The following ARHGAP6 variants were observed in gnomAD, a reference collection of about 807,000 sequenced individuals.
ARHGAP6 encodes rho GTPase-activating protein 6.
In ARHGAP6, 16 loss-of-function variants were observed where a neutral mutation model predicts 55.7. The observed-to-expected ratio is 0.29, with a 90% CI of 0.19 to 0.44. The LOEUF is 0.44. Among genes scored for constraint, ARHGAP6 ranks in the 20% least tolerant of loss-of-function variants. The pLI, the probability that ARHGAP6 is intolerant of heterozygous loss-of-function variation, is 1.00. For missense variants in ARHGAP6, 698 were observed against 808.9 expected, an observed-to-expected ratio of 0.86 and a Z score of 1.66; for synonymous variants, 382 against 360.9, an observed-to-expected ratio of 1.06 and a Z score of -0.66.
intron 1 of ARHGAP6, among the ~76,000 whole-genome samples, chrX:11,512,768 G>GGTA (rs1227963893): frequency 9.0e-6 from 1 of 111,490 alleles, no homozygotes; most frequent in Non-Finnish European, 1.9e-5. Context: ...ATATGAAAGA[G>GGTA]GTAGCCAAGA....
At chrX:11,590,655 C>A (rs1286537314) in intron 1 of ARHGAP6, among the ~76,000 whole-genome samples, 2 of 104,352 alleles carry the variant, frequency 1.9e-5, no homozygotes, top group Non-Finnish European at 3.9e-5. Context: ...CGTGGTGGTG[C>A]ACGCCTGTAG....
chrX:11,328,161 C>T (rs769905294), intron 1 of ARHGAP6, among the ~76,000 whole-genome samples: 2 of 112,183 alleles, frequency 1.8e-5, no homozygotes, highest in South Asian at 7.5e-4. Flanking sequence ...CTCATTTCAT[C>T]GTGAAGGAAG....
intron 1 of ARHGAP6, among the ~76,000 whole-genome samples, chrX:11,628,464 G>A (rs1239948574): frequency 8.9e-6 from 1 of 112,238 alleles, no homozygotes. Flanking sequence ...ATTTCTTATT[G>A]AAAGCTTACT....
chrX:11,660,514 G>A (rs1414560951), intron 1 of ARHGAP6, among the ~76,000 whole-genome samples: 3 of 76,283 alleles, frequency 3.9e-5, no homozygotes, highest in Admixed American at 1.9e-4. Flanking sequence ...GCAACAGGGT[G>A]AGACTCTCTC....
chrX:11,232,904 A>G (rs1009549218), intron 2 of ARHGAP6, among the ~76,000 whole-genome samples: 1 of 111,646 alleles, frequency 9.0e-6, no homozygotes, highest in Non-Finnish European at 1.9e-5. Context: ...CTGTTACCCT[A>G]GAGTGTAAAA....
chrX:11,318,873 A>T (rs1291621560), intron 1 of ARHGAP6, among the ~76,000 whole-genome samples: 1 of 112,209 alleles, frequency 8.9e-6, no homozygotes, highest in Non-Finnish European at 1.9e-5. Context: ...AGCAGCTGCC[A>T]AGAAGACAGA....
At chrX:11,207,327 C>T (rs1292515482) in intron 2 of ARHGAP6, among the ~76,000 whole-genome samples, 3 of 110,827 alleles carry the variant, frequency 2.7e-5, no homozygotes, top group African/African-American at 9.8e-5. Context: ...CACACCTGGC[C>T]TGGTTGGTAT....
intron 1 of ARHGAP6, among the ~76,000 whole-genome samples, chrX:11,281,110 A>G (rs1485976583): frequency 8.9e-6 from 1 of 112,275 alleles, no homozygotes; most frequent in African/African-American, 3.2e-5. Context: ...CCAACCACCT[A>G]CAACAATACA....
chrX:11,493,834 C>CTTTT, intron 1 of ARHGAP6, among the ~76,000 whole-genome samples: 1 of 73,123 alleles, frequency 1.4e-5, no homozygotes, highest in Admixed American at 2.2e-4. Context: ...AAACAGAATG[C>CTTTT]CTTTTTTTTT....
intron 1 of ARHGAP6, among the ~76,000 whole-genome samples, chrX:11,409,553 C>T (rs2049654969): frequency 8.9e-6 from 1 of 112,233 alleles, no homozygotes; most frequent in African/African-American, 3.2e-5. Context: ...GATTCTCAAG[C>T]AAGGAGAGGT....
chrX:11,445,809 AC>A (rs2050086971), intron 1 of ARHGAP6, among the ~76,000 whole-genome samples: 1 of 111,299 alleles, frequency 9.0e-6, no homozygotes, highest in Non-Finnish European at 1.9e-5. Flanking sequence ...ATGGCCTGTC[AC>A]ATGTGGCCCA....
At chrX:11,607,827 T>G (rs2052053411) in intron 1 of ARHGAP6, among the ~76,000 whole-genome samples, 2 of 112,209 alleles carry the variant, frequency 1.8e-5, no homozygotes, top group Admixed American at 1.9e-4. Flanking sequence ...TCTTCTGGCT[T>G]CTTTCAACAA....
At chrX:11,588,492 C>G (rs1040897541) in intron 1 of ARHGAP6, among the ~76,000 whole-genome samples, 2 of 112,289 alleles carry the variant, frequency 1.8e-5, no homozygotes, top group Admixed American at 9.5e-5. Context: ...GCATTATTCA[C>G]ACTATCCAAA....
chrX:11,189,659 G>A (rs1336150353), intron 3 of ARHGAP6, among the ~76,000 whole-genome samples: 2 of 112,095 alleles, frequency 1.8e-5, no homozygotes. Flanking sequence ...GCCACATGCA[G>A]AGTGGACTCA....
intron 1 of ARHGAP6, among the ~76,000 whole-genome samples, chrX:11,647,321 C>T (rs1160431763): frequency 8.9e-6 from 1 of 112,163 alleles, no homozygotes; most frequent in Admixed American, 9.4e-5. Flanking sequence ...AATATGTACT[C>T]AAAGCTTAGC....
chrX:11,274,345 A>C (rs5934988), intron 1 of ARHGAP6, among the ~76,000 whole-genome samples: 19,818 of 111,211 alleles, frequency 0.18, 1,353 homozygotes, highest in Middle Eastern at 0.32. Context: ...ATCAAATTTT[A>C]TTGGAAAACA....
At chrX:11,245,956 A>G (rs2047346844) in intron 2 of ARHGAP6, among the ~76,000 whole-genome samples, 1 of 112,030 alleles carries the variant, frequency 8.9e-6, no homozygotes, top group African/African-American at 3.2e-5. Flanking sequence ...TTTGATAGTA[A>G]GATCAGTAGA....
At position 11,309,279 on chromosome X, in the gene ARHGAP6, A is replaced by G. The variant is rs867133198; in HGVS notation, c.589-54572T>C. Among the ~76,000 whole-genome samples the G allele has an allele frequency of 3.6e-5, 4 of 111,745 alleles. No individual in the cohort carries two copies. The South Asian group carries it at 1.5e-3, about 43-fold the overall frequency. ...GTTCTTACACCTCAGCAATAGCAGC[A>G]GCTCCAGGCAGTAGCGAGCCCCCAT... On this transcript the variant is annotated intron_variant, in intron 1 of 12. Transcript: ENST00000337414.
In ARHGAP6 at chrX:11,420,802, G is replaced by A. The variant is rs1410606715; in HGVS notation, c.589-166095C>T. On this transcript the variant is annotated intron_variant, in intron 1 of 12. Coordinates refer to ENST00000337414, the MANE Select transcript of ARHGAP6 (RefSeq NM_013427.3). The stretch of plus-strand genomic sequence containing the variant: ...TGCAGATCCCACATCCACACACCAA[G>A]GCTGCTGAGCACTCCACACATCCTC... 3.6e-5 allele frequency among the ~76,000 whole-genome samples: 4 copies of A among 111,519 alleles called. No individual in the cohort carries two copies. The Admixed American group carries it at 3.8e-4, about 11-fold the overall frequency.
Sources: allele counts gnomAD v4.1 joint callset (sites outside exome capture counted in the v4.1 genomes callset), GRCh38; gene constraint gnomAD v4.1.1; transcripts MANE v1.5; gene names NCBI Gene and HGNC (gene_info 2026-07-23, HGNC 2026-07-21).